Variants in DLG2 observed in about 807,000 individuals in gnomAD.
DLG2 encodes disks large homolog 2.
DLG2 carries 45 observed loss-of-function variants against 132.5 expected under a neutral mutation model. The observed-to-expected ratio is 0.34, with a 90% CI of 0.27 to 0.44. The LOEUF (loss-of-function observed/expected upper bound fraction) is 0.44, where lower values mean the gene tolerates loss of function less well. Ranked by LOEUF, DLG2 falls within the 20% of genes least tolerant of loss-of-function variation. The pLI is 1.00. For missense variants in DLG2, 1,045 were observed against 1,196.9 expected (o/e 0.87, Z 1.87); for synonymous variants, 424 against 419.6 (o/e 1.01, Z -0.13).
chr11:85,543,201 C>T (rs12292703), intron 3 of DLG2, among the ~76,000 whole-genome samples: 4,397 of 152,196 alleles, frequency 0.029, 106 homozygotes, highest in Middle Eastern at 0.044. Context: ...TTGTTCTCAT[C>T]GTTCAACTCC....
At chr11:83,590,536 C>A (rs2097169701) in intron 19 of DLG2, among the ~76,000 whole-genome samples, 1 of 151,744 alleles carries the variant, frequency 6.6e-6, no homozygotes, top group Non-Finnish European at 1.5e-5. Context: ...CAAGAGAAAG[C>A]AGGAAAGATC....
At chr11:85,513,385 G>GA (rs1473534484) in intron 3 of DLG2, among the ~76,000 whole-genome samples, 1 of 151,764 alleles carries the variant, frequency 6.6e-6, no homozygotes, top group Non-Finnish European at 1.5e-5. Context: ...TGAACCAAAA[G>GA]AAAAAAGGTA....
At chr11:83,797,607 C>A (rs773588003) in intron 17 of DLG2, among the ~76,000 whole-genome samples, 1 of 152,076 alleles carries the variant, frequency 6.6e-6, no homozygotes, top group African/African-American at 2.4e-5. Context: ...CAAGCTTCGC[C>A]TTCTGGGTTC....
At chr11:83,768,571 T>C (rs183183622) in intron 18 of DLG2, among the ~76,000 whole-genome samples, 1 of 152,348 alleles carries the variant, frequency 6.6e-6, no homozygotes, top group Admixed American at 6.5e-5. Context: ...CTTCCCTCAA[T>C]TGCTCAGATA....
At chr11:84,484,553 T>C (rs1033696800) in intron 7 of DLG2, among the ~76,000 whole-genome samples, 1 of 152,202 alleles carries the variant, frequency 6.6e-6, no homozygotes, top group South Asian at 2.1e-4. Flanking sequence ...TATATGGACA[T>C]TTAGTCAGCT....
rs1555124386 is a variant in DLG2 at position 84,642,065 on chromosome 11, CGTGT to C, written c.358-107338_358-107335del. On this transcript the variant is annotated intron_variant, in intron 6 of 27. Coordinates refer to ENST00000376104, the MANE Select transcript of DLG2 (RefSeq NM_001142699.3). ...ACGTATATATGTATATATACGCACG[CGTGT>C]GTGTGTGTGTGTGTATATGTAGAGT... is the stretch of plus-strand genomic sequence containing the variant. Among the ~76,000 whole-genome samples the C allele has an allele frequency of 3.4e-3, 475 of 138,186 alleles. 5 individuals are homozygous for C. The highest frequency in any genetic ancestry group is 0.012 in the African/African-American group (424 of 35,180). 90.7% of individuals were successfully genotyped at this position (138,186 alleles called of 152,430 possible). A position where few individuals can be genotyped will look rare whatever the true frequency, so the allele number is the denominator to read the frequency against.
At chr11:84,838,546 G>A (rs764231562) in intron 6 of DLG2, among the ~76,000 whole-genome samples, 14 of 151,988 alleles carry the variant, frequency 9.2e-5, no homozygotes, top group South Asian at 2.1e-4. Context: ...GGCAATATGC[G>A]TGAAGTTAAA....
intron 7 of DLG2, among the ~76,000 whole-genome samples, chr11:84,396,798 C>A (rs113498125): frequency 6.6e-6 from 1 of 152,172 alleles, no homozygotes; most frequent in African/African-American, 2.4e-5. Context: ...CTCACCCCCA[C>A]AAAATGGAAA....
intron 7 of DLG2, among the ~76,000 whole-genome samples, chr11:84,482,463 A>G (rs190528372): frequency 1.1e-4 from 17 of 152,318 alleles, no homozygotes; most frequent in Admixed American, 4.6e-4. Flanking sequence ...TTTTGAAAAC[A>G]TTGATTATGT....
intron 18 of DLG2, among the ~76,000 whole-genome samples, chr11:83,644,799 A>C (rs913946833): frequency 6.6e-6 from 1 of 152,118 alleles, no homozygotes; most frequent in Non-Finnish European, 1.5e-5. Context: ...AGGATCTATG[A>C]GAAAGTGAAG....
chr11:85,330,900 G>A (rs1392347483), intron 3 of DLG2, among the ~76,000 whole-genome samples: 1 of 151,184 alleles, frequency 6.6e-6, no homozygotes, highest in Non-Finnish European at 1.5e-5. Context: ...CCACCTGGTG[G>A]TTTCCCACAA....
intron 13 of DLG2, among the ~76,000 whole-genome samples, chr11:83,963,429 C>T (rs2089377822): frequency 6.6e-6 from 1 of 151,972 alleles, no homozygotes; most frequent in South Asian, 2.1e-4. Flanking sequence ...ATCAGGTTCT[C>T]CTGTGAGACT....
chr11:83,981,545 G>A (rs775816674), intron 11 of DLG2, among the ~76,000 whole-genome samples: 16 of 151,908 alleles, frequency 1.1e-4, no homozygotes, highest in African/African-American at 1.7e-4. Context: ...GGCTTCAAGC[G>A]GTTCTCCTGC....
At chr11:83,688,166 T>C (rs1415985728) in intron 18 of DLG2, among the ~76,000 whole-genome samples, 1 of 152,238 alleles carries the variant, frequency 6.6e-6, no homozygotes, top group Non-Finnish European at 1.5e-5. Flanking sequence ...GAAATTATTC[T>C]GATATAATCC....
intron 7 of DLG2, among the ~76,000 whole-genome samples, chr11:84,392,821 G>C (rs952641797): frequency 1.5e-4 from 23 of 152,126 alleles, no homozygotes; most frequent in African/African-American, 5.3e-4. Context: ...GACAGAGCTA[G>C]GATTCTAATT....
At position 84,671,588 on chromosome 11, in the gene DLG2, C is replaced by T. The variant is rs140922142; in HGVS notation, c.358-136857G>A. 3.5e-3 allele frequency among the ~76,000 whole-genome samples: 535 copies of T among 152,276 alleles called. 3 individuals are homozygous for T. The highest frequency in any genetic ancestry group is 0.013 in the African/African-American group (521 of 41,558). ...TTCCTGTTCCTGTTAAACAGAATGA[C>T]TTCCGTGTTGGCTATTGCCCATGTG... On this transcript the variant is annotated intron_variant, in intron 6 of 27. Coordinates refer to ENST00000376104, the MANE Select transcript of DLG2 (RefSeq NM_001142699.3).
At chr11:84,685,897 C>T (rs1242987358) in intron 6 of DLG2, among the ~76,000 whole-genome samples, 1 of 152,140 alleles carries the variant, frequency 6.6e-6, no homozygotes, top group Non-Finnish European at 1.5e-5. Context: ...CCGTATTAGC[C>T]AAGATGGTCT....
intron 3 of DLG2, among the ~76,000 whole-genome samples, chr11:85,532,577 T>C (rs1010197226): frequency 3.9e-5 from 6 of 152,264 alleles, no homozygotes; most frequent in African/African-American, 1.4e-4. Flanking sequence ...TTGTTACCTA[T>C]ATGTATGGTC....
chr11:84,378,979 TA>T (rs1388670057), intron 7 of DLG2, among the ~76,000 whole-genome samples: 1 of 147,134 alleles, frequency 6.8e-6, no homozygotes, highest in Non-Finnish European at 1.5e-5. Context: ...AAAACAAACA[TA>T]AACAAACAAT....
Sources: allele counts gnomAD v4.1 joint callset (sites outside exome capture counted in the v4.1 genomes callset), GRCh38; gene constraint gnomAD v4.1.1; transcripts MANE v1.5; gene names NCBI Gene and HGNC (gene_info 2026-07-23, HGNC 2026-07-21).